PLA2G4E: variants seen among roughly 807,000 people sequenced by gnomAD.
PLA2G4E encodes phospholipase A2 group IVE, also known as cytosolic phospholipase A2 epsilon.
PLA2G4E carries 84 observed loss-of-function variants against 109.1 expected under a neutral mutation model. The ratio of observed to expected loss-of-function variants is 0.77; its 90% CI spans 0.65 to 0.92. PLA2G4E has a LOEUF of 0.92. PLA2G4E is among the 40% of genes least tolerant of loss of function. The probability of loss-of-function intolerance (pLI) is 0.00; values close to 1 mark genes in which losing one functional copy is unlikely to be tolerated. For missense variants in PLA2G4E, 1,057 were observed against 1,076.6 expected (o/e 0.98, Z 0.25); for synonymous variants, 469 against 436.1 (o/e 1.08, Z -0.94).
intron 1 of PLA2G4E, among the ~76,000 whole-genome samples, chr15:42,044,639 T>C (rs1160605145): frequency 3.5e-5 from 1 of 28,444 alleles, no homozygotes; most frequent in Admixed American, 4.9e-4. Context: ...TGTTGTGGGA[T>C]GGGGGGAGGG....
At chr15:41,995,119 G>C (rs2068316411) in intron 12 of PLA2G4E, among the ~76,000 whole-genome samples, 1 of 152,274 alleles carries the variant, frequency 6.6e-6, no homozygotes, top group South Asian at 2.1e-4. Flanking sequence ...TAGCGGGAGA[G>C]CGTCTTACAC....
intron 10 of PLA2G4E, chr15:41,997,830 T>C (rs3743017): frequency 0.11 from 16,343 of 152,186 alleles, 1,142 homozygotes; most frequent in South Asian, 0.18. Context: ...CCTGATCTCA[T>C]TGTGTCACCT....
chr15:41,996,109 G>A (rs1429476416), intron 11 of PLA2G4E, among the ~76,000 whole-genome samples: 1 of 152,074 alleles, frequency 6.6e-6, no homozygotes, highest in Non-Finnish European at 1.5e-5. Context: ...CACTTTGGGG[G>A]GCCGAGGTGG....
At chr15:42,023,464 A>G (rs963897378) in intron 1 of PLA2G4E, among the ~76,000 whole-genome samples, 4 of 152,030 alleles carry the variant, frequency 2.6e-5, no homozygotes, top group Non-Finnish European at 4.4e-5. Flanking sequence ...TTAAGAAGGC[A>G]AGGATGATTG....
chr15:42,041,686 G>A (rs1889318997), intron 1 of PLA2G4E, among the ~76,000 whole-genome samples: 1 of 152,134 alleles, frequency 6.6e-6, no homozygotes, highest in Non-Finnish European at 1.5e-5. Flanking sequence ...TGAGTATTGG[G>A]GTTTACCTTA....
chr15:41,999,944 G>A (rs1253507057), exon 9 of PLA2G4E: 15 of 1,611,150 alleles, frequency 9.3e-6, no homozygotes, highest in African/African-American at 4.0e-5. Flanking sequence ...CCTGACCATC[G>A]GAAAGGCAGT....
chr15:41,985,497 G>T (rs567617222), intron 18 of PLA2G4E, among the ~76,000 whole-genome samples: 1 of 152,322 alleles, frequency 6.6e-6, no homozygotes, highest in South Asian at 2.1e-4. Context: ...TTGAAAATAG[G>T]ATATTACAAG....
At chr15:42,005,881 A>T (rs1440536493) in intron 4 of PLA2G4E, 109 bp downstream of exon 4, 1 of 1,337,218 alleles carries the variant, frequency 7.5e-7, no homozygotes, top group Non-Finnish European at 1.0e-6. Flanking sequence ...TCTTTTCTCA[A>T]CTTGACTGTG....
intron 1 of PLA2G4E, among the ~76,000 whole-genome samples, chr15:42,026,904 C>T (rs145041042): frequency 6.6e-6 from 1 of 150,796 alleles, no homozygotes; most frequent in East Asian, 1.9e-4. Context: ...ACCCAGGAGA[C>T]AGAGATTGCA....
chr15:42,001,440 G>T (rs1668555), intron 6 of PLA2G4E, among the ~76,000 whole-genome samples: 145,873 of 152,246 alleles, frequency 0.96, 70,054 homozygotes, highest in African/African-American at 0.98. Flanking sequence ...TGTCCCAGGA[G>T]GTCTAGGACC....
chr15:42,006,330 CT>C (rs1436891213), intron 3 of PLA2G4E: 1 of 464,940 alleles, frequency 2.2e-6, no homozygotes, highest in Non-Finnish European at 3.7e-6. Context: ...TCCCTGAAGC[CT>C]TCTTGGCCTT....
At chr15:42,029,090 T>C (rs573276983) in intron 1 of PLA2G4E, among the ~76,000 whole-genome samples, 1 of 149,330 alleles carries the variant, frequency 6.7e-6, no homozygotes, top group African/African-American at 2.6e-5. Context: ...TTAGTGCTTT[T>C]CTTTTCTTTT....
chr15:42,004,654 G>GGTGGCA (rs1248056285), intron 5 of PLA2G4E, among the ~76,000 whole-genome samples: 6 of 152,180 alleles, frequency 3.9e-5, no homozygotes, highest in African/African-American at 1.4e-4. Context: ...AGCCACCCTT[G>GGTGGCA]GGAATGTAGG....
intron 1 of PLA2G4E, among the ~76,000 whole-genome samples, chr15:42,048,452 T>C (rs1889452133): frequency 6.6e-6 from 1 of 152,192 alleles, no homozygotes; most frequent in African/African-American, 2.4e-5. Context: ...ATATCAAAAT[T>C]AAAATATTAA....
At chr15:41,996,544 G>A (rs2068344610) in intron 11 of PLA2G4E, among the ~76,000 whole-genome samples, 1 of 152,178 alleles carries the variant, frequency 6.6e-6, no homozygotes, top group Non-Finnish European at 1.5e-5. Context: ...GGCGCTTGGA[G>A]GGCTTGCCTG....
In PLA2G4E at chr15:42,005,027, C is replaced by T. The variant is rs372688294; in HGVS notation, c.526-49G>A. The T allele has an allele frequency of 5.2e-4, 839 of 1,602,942 alleles. 9 individuals are homozygous for T. The highest frequency in any genetic ancestry group is 7.3e-4 in the Admixed American group (43 of 58,766). Reference sequence around the variant, plus strand: ...AGCTGTGAGTGGCGTCTGCACATCTCTGCTGACCAGAACCCTTTGCCACCC... The same window carrying T: ...AGCTGTGAGTGGCGTCTGCACATCTTTGCTGACCAGAACCCTTTGCCACCC... On this transcript the variant is annotated intron_variant, in intron 4 of 19. Transcript: ENST00000399518.
At chr15:41,989,548 C>A in exon 15 of PLA2G4E, 1 of 1,613,244 alleles carries the variant, frequency 6.2e-7, no homozygotes, top group Non-Finnish European at 8.5e-7. Flanking sequence ...AGAACTCGAA[C>A]CACTCTGCAC....
At chr15:42,017,755 C>A (rs2068610114) in intron 1 of PLA2G4E, among the ~76,000 whole-genome samples, 1 of 152,212 alleles carries the variant, frequency 6.6e-6, no homozygotes, top group South Asian at 2.1e-4. Flanking sequence ...CAAAAAATAA[C>A]CACCAAACTC....
Position 42,037,729 on chromosome 15 carries a change from T to C in PLA2G4E, c.183+12792A>G, listed in dbSNP as rs189359693. 1.6e-3 allele frequency among the ~76,000 whole-genome samples: 250 copies of C among 152,352 alleles called. 1 individual carries two copies. Among genetic ancestry groups the C allele is most frequent in the Middle Eastern group, 6.8e-3 (2 of 294 alleles). ...ACCTGGGAGCTCATGGAGCCACATC[T>C]GTGACTCCCTCTTCGGGGCCCTGTG... On this transcript the variant is annotated intron_variant, in intron 1 of 19. Transcript: ENST00000399518.
Sources: allele counts gnomAD v4.1 joint callset (sites outside exome capture counted in the v4.1 genomes callset), GRCh38; gene constraint gnomAD v4.1.1; transcripts MANE v1.5; gene names NCBI Gene and HGNC (gene_info 2026-07-23, HGNC 2026-07-21).